SAMHD1: variants seen among roughly 807,000 people sequenced by gnomAD.
SAMHD1 encodes the protein deoxynucleoside triphosphate triphosphohydrolase SAMHD1.
Under a neutral mutation model 79.6 loss-of-function variants are expected in SAMHD1, and 54 were observed. That is an observed-to-expected ratio of 0.68 (90% CI 0.55 to 0.85). SAMHD1 has a LOEUF of 0.85. SAMHD1 is among the 40% of genes least tolerant of loss of function. The probability of loss-of-function intolerance (pLI) is 0.00; values close to 1 mark genes in which losing one functional copy is unlikely to be tolerated. For synonymous variants in SAMHD1, 260 were observed against 264.1 expected (o/e 0.98, Z 0.15); for missense variants, 663 against 782.7 (o/e 0.85, Z 1.82).
intron 6 of SAMHD1, among the ~76,000 whole-genome samples, chr20:36,922,332 A>G (rs1255538876): frequency 6.6e-6 from 1 of 152,234 alleles, no homozygotes; most frequent in East Asian, 1.9e-4. Context: ...GTTATATAAG[A>G]AAATGTTGTT....
Position 36,916,839 on chromosome 20 carries a change from AT to A in SAMHD1, c.954-10del. On this transcript the variant is annotated splice_polypyrimidine_tract_variant and intron_variant, in intron 8 of 15. Transcript: ENST00000646673. ...CAAGATGATGGCAGTCCCTAGAAGG[AT>A]TCCAAAACAGAGAGATGAAATTTTT... 6.2e-7 allele frequency: 1 copy of A among 1,610,250 alleles called. No homozygotes were observed. The highest frequency in any genetic ancestry group is 8.5e-7 in the Non-Finnish European group (1 of 1,176,450).
At chr20:36,922,815 T>C (rs991486371) in intron 6 of SAMHD1, among the ~76,000 whole-genome samples, 9 of 151,618 alleles carry the variant, frequency 5.9e-5, no homozygotes, top group African/African-American at 2.2e-4. Context: ...GCCTGGCTAA[T>C]TTTTAAATTT....
At chr20:36,910,834 G>A (rs570087104) in intron 11 of SAMHD1, among the ~76,000 whole-genome samples, 1 of 152,136 alleles carries the variant, frequency 6.6e-6, no homozygotes, top group South Asian at 2.1e-4. Context: ...TATATGCTAG[G>A]TATCATTACC....
At chr20:36,931,035 C>T (rs543078208) in intron 4 of SAMHD1, 160 bp from the exon 5 acceptor site, 37 of 662,666 alleles carry the variant, frequency 5.6e-5, no homozygotes, top group South Asian at 4.8e-4. Context: ...CACACACAAA[C>T]GGAATCCCAA....
chr20:36,900,315 G>A (rs373806417), intron 13 of SAMHD1, among the ~76,000 whole-genome samples: 3 of 151,818 alleles, frequency 2.0e-5, no homozygotes, highest in East Asian at 3.9e-4. Context: ...GCACAATCTC[G>A]GCACACTGCA....
intron 2 of SAMHD1, among the ~76,000 whole-genome samples, chr20:36,942,509 G>A (rs1442893758): frequency 6.6e-6 from 1 of 152,082 alleles, no homozygotes; most frequent in Non-Finnish European, 1.5e-5. Context: ...AAAGGACATG[G>A]CATTAAATAA....
chr20:36,911,582 G>A (rs150107078), intron 10 of SAMHD1: 6 of 437,242 alleles, frequency 1.4e-5, no homozygotes, highest in Non-Finnish European at 2.5e-5. Context: ...AATAAGGTAG[G>A]TGTATTCAGC....
At chr20:36,938,471 C>T (rs560762382) in intron 3 of SAMHD1, among the ~76,000 whole-genome samples, 6 of 151,580 alleles carry the variant, frequency 4.0e-5, no homozygotes, top group Admixed American at 6.6e-5. Flanking sequence ...ACCCGGGAGG[C>T]GGAGGTTGCA....
chr20:36,931,986 C>CA (rs74175907), intron 4 of SAMHD1, among the ~76,000 whole-genome samples: 2 of 151,210 alleles, frequency 1.3e-5, no homozygotes, highest in African/African-American at 2.4e-5. Context: ...AATTCATAAA[C>CA]AAAAAAAAGA....
At chr20:36,931,586 G>A (rs971086128) in intron 4 of SAMHD1, among the ~76,000 whole-genome samples, 5 of 151,986 alleles carry the variant, frequency 3.3e-5, no homozygotes, top group Non-Finnish European at 7.4e-5. Flanking sequence ...GCAGTGAGCC[G>A]AGATCTTGCC....
chr20:36,904,340 C>T, intron 12 of SAMHD1, 91 bp from the exon 13 acceptor site: 1 of 843,760 alleles, frequency 1.2e-6, no homozygotes, highest in East Asian at 2.4e-5. Flanking sequence ...TGGCACCTAA[C>T]TAAGAAAAAC....
At chr20:36,945,859 G>A (rs531695110) in intron 2 of SAMHD1, among the ~76,000 whole-genome samples, 11 of 151,902 alleles carry the variant, frequency 7.2e-5, no homozygotes, top group Admixed American at 2.0e-4. Context: ...AGCCGGGATC[G>A]CACCATTGCA....
At chr20:36,939,427 T>G (rs4239694) in intron 3 of SAMHD1, among the ~76,000 whole-genome samples, 66,645 of 151,370 alleles carry the variant, frequency 0.44, 16,572 homozygotes, top group African/African-American at 0.67. Flanking sequence ...ACCCTGTCTT[T>G]ACTAAAAAAA....
At chr20:36,947,551 G>GGTGGGTGT (rs1491492875) in intron 1 of SAMHD1, among the ~76,000 whole-genome samples, 3 of 75,742 alleles carry the variant, frequency 4.0e-5, no homozygotes, top group Non-Finnish European at 7.3e-5. Flanking sequence ...TTGGAAGAGG[G>GGTGGGTGT]GTGTGTGTGT....
Position 36,951,079 on chromosome 20 carries a change from G to C in SAMHD1, c.208+357C>G, listed in dbSNP as rs563713151. 3.0e-4 allele frequency among the ~76,000 whole-genome samples: 46 copies of C among 152,340 alleles called. No individual in the cohort carries two copies. The South Asian group carries it at 9.3e-3, about 31-fold the overall frequency. On this transcript the variant is annotated intron_variant, in intron 1 of 15. Coordinates refer to ENST00000646673, the MANE Select transcript of SAMHD1 (RefSeq NM_015474.4). ...GTGGCAAGTTAGTGAAGAAACCCAC[G>C]AGAGTGAGATCCCAATCTACGACTG...
At chr20:36,904,543 C>A (rs970452650) in intron 12 of SAMHD1, 25 of 361,580 alleles carry the variant, frequency 6.9e-5, no homozygotes, top group Non-Finnish European at 1.2e-4. Context: ...ATGGTGAAAC[C>A]CCGTCTCTAC....
rs895133495 is a variant in SAMHD1 at position 36,891,233 on chromosome 20, G to A, written c.*1699C>T. 4.6e-5 allele frequency: 7 copies of A among 152,282 alleles called. No homozygotes were observed. The highest frequency in any genetic ancestry group is 8.8e-5 in the Non-Finnish European group (6 of 68,102). The allele number at this position is 152,282 out of a possible 1,614,324, so 9.4% of individuals were successfully genotyped here. A position where few individuals can be genotyped will look rare whatever the true frequency, so the allele number is the denominator to read the frequency against. ...TTATTATCTACTGATGGATGGACAGGGGGTGGGGTGATCATACAGGATGGC... is the reference window on the plus strand; with the variant it reads ...TTATTATCTACTGATGGATGGACAGAGGGTGGGGTGATCATACAGGATGGC... On this transcript the variant is annotated 3_prime_UTR_variant, in exon 16 of 16. Transcript: ENST00000646673.
chr20:36,893,083 GAA>G lies in SAMHD1; in HGVS notation c.1747-19_1747-18del. 6.2e-7 allele frequency: 1 copy of G among 1,611,414 alleles called. No homozygotes were observed. The highest frequency in any genetic ancestry group is 8.5e-7 in the Non-Finnish European group (1 of 1,179,932). On this transcript the variant is annotated intron_variant, in intron 15 of 15. Transcript: ENST00000646673. ...ATCGCCATCCTATTAGGAAGAGAGA[GAA>G]AAACAGGCAATAGAGAAAAGCCAGT...
At chr20:36,906,588 T>C (rs1329733322) in intron 11 of SAMHD1, among the ~76,000 whole-genome samples, 1 of 152,206 alleles carries the variant, frequency 6.6e-6, no homozygotes, top group African/African-American at 2.4e-5. Context: ...AAGTGACAGG[T>C]ACATGGCTTT....
Sources: allele counts gnomAD v4.1 joint callset (sites outside exome capture counted in the v4.1 genomes callset), GRCh38; gene constraint gnomAD v4.1.1; transcripts MANE v1.5; gene names NCBI Gene and HGNC (gene_info 2026-07-23, HGNC 2026-07-21).